The following ADGRV1 variants were observed in gnomAD, a reference collection of about 807,000 sequenced individuals.
The protein encoded by ADGRV1 is adhesion G protein-coupled receptor V1.
ADGRV1 carries 359 observed loss-of-function variants against 596.2 expected under a neutral mutation model. The ratio of observed to expected loss-of-function variants is 0.60; its 90% CI spans 0.55 to 0.66. The LOEUF (loss-of-function observed/expected upper bound fraction) is 0.66, where lower values mean the gene tolerates loss of function less well. Among genes scored for constraint, ADGRV1 ranks in the 30% least tolerant of loss-of-function variants. The pLI, the probability that ADGRV1 is intolerant of heterozygous loss-of-function variation, is 0.00. For missense variants in ADGRV1, 7,274 were observed against 7,575.6 expected, an observed-to-expected ratio of 0.96 and a Z score of 1.48; for synonymous variants, 2,681 against 2,679.2, an observed-to-expected ratio of 1.00 and a Z score of -0.02.
chr5:90,762,480 C>G (rs996794718), intron 58 of ADGRV1: 1 of 152,092 alleles, frequency 6.6e-6, no homozygotes, highest in Non-Finnish European at 1.5e-5. Flanking sequence ...AGCTTCTATC[C>G]GTGTTGAAAG....
Position 90,759,453 on chromosome 5 carries a change from T to A in ADGRV1, c.11985T>A (p.Phe3995Leu). The change falls in exon 58 of 90, where the codon TTT becomes TTA. Residue 3995 changes from phenylalanine (F) to leucine (L), a missense_variant. Physicochemically the swap from Phe to Leu is conservative, Grantham distance 22 (BLOSUM62 0). Coordinates refer to ENST00000405460, the MANE Select transcript of ADGRV1 (RefSeq NM_032119.4). ...IEITIIDDAE[F>L]ELTETFNISL... ...TCACCATAATTGATGATGCTGAATT[T>A]GAATTGACAGAGACGTTCAATATTT... The A allele has an allele frequency of 1.9e-6, 3 of 1,590,066 alleles. No individual in the cohort carries two copies. Among genetic ancestry groups the A allele is most frequent in the Non-Finnish European group, 2.6e-6 (3 of 1,166,764 alleles).
intron 85 of ADGRV1, among the ~76,000 whole-genome samples, chr5:91,033,096 G>A (rs1784607581): frequency 6.6e-6 from 1 of 152,020 alleles, no homozygotes; most frequent in African/African-American, 2.4e-5. Flanking sequence ...CTTACTTTGT[G>A]TTTTCTATGA....
In ADGRV1 at chr5:90,694,418, G is replaced by GA. The variant is rs772895536; in HGVS notation, c.7667dup (p.Asn2556LysfsTer20). ...ACCTCATGAACATTTCAGCCAGTTT[G>GA]AAAAATCAGCCAACCATAGGACAGC... On this transcript the variant is annotated frameshift_variant, in exon 33 of 90. Transcript: ENST00000405460. LOFTEE classifies it high-confidence loss of function. 6.2e-7 allele frequency: 1 copy of GA among 1,613,970 alleles called. No individual in the cohort carries two copies. The highest frequency in any genetic ancestry group is 1.1e-5 in the South Asian group (1 of 91,086).
chr5:91,085,360 A>G (rs947731841), intron 86 of ADGRV1, among the ~76,000 whole-genome samples: 10 of 152,184 alleles, frequency 6.6e-5, no homozygotes, highest in African/African-American at 2.4e-4. Flanking sequence ...ATACTTATTT[A>G]TTATAAGTAC....
chr5:91,111,886 T>A (rs777872731), intron 87 of ADGRV1, among the ~76,000 whole-genome samples: 5 of 152,182 alleles, frequency 3.3e-5, no homozygotes, highest in African/African-American at 4.8e-5. Flanking sequence ...CATGCACCTT[T>A]CAAAACATCC....
At chr5:90,897,561 A>C (rs1425069433) in intron 83 of ADGRV1, among the ~76,000 whole-genome samples, 1 of 152,168 alleles carries the variant, frequency 6.6e-6, no homozygotes, top group Non-Finnish European at 1.5e-5. Context: ...ATTGATAATC[A>C]TATTTTCTCC....
intron 83 of ADGRV1, among the ~76,000 whole-genome samples, chr5:90,885,566 ATGG>A (rs1219727751): frequency 6.6e-6 from 1 of 152,176 alleles, no homozygotes; most frequent in African/African-American, 2.4e-5. Flanking sequence ...TATGGATCAA[ATGG>A]TTATTACACA....
intron 75 of ADGRV1, among the ~76,000 whole-genome samples, chr5:90,815,951 T>C (rs1762850824): frequency 6.6e-6 from 1 of 152,166 alleles, no homozygotes; most frequent in Non-Finnish European, 1.5e-5. Context: ...CTTCATGAAG[T>C]ACCATACAAA....
intron 84 of ADGRV1, among the ~76,000 whole-genome samples, chr5:90,972,349 G>A (rs1779120045): frequency 6.6e-6 from 1 of 152,086 alleles, no homozygotes; most frequent in African/African-American, 2.4e-5. Flanking sequence ...GCACCAAGCG[G>A]ATCTAATAGA....
chr5:91,054,100 TGTGAGAGA>T (rs1246840347), intron 85 of ADGRV1, among the ~76,000 whole-genome samples: 138 of 108,274 alleles, frequency 1.3e-3, no homozygotes, highest in East Asian at 0.013. Flanking sequence ...TGTGTGTGTG[TGTGAGAGA>T]GAGAGAGAGA....
intron 83 of ADGRV1, among the ~76,000 whole-genome samples, chr5:90,928,798 A>G (rs35481894): frequency 0.013 from 2,015 of 151,746 alleles, 82 homozygotes; most frequent in African/African-American, 0.046. Flanking sequence ...AGTGATGTAC[A>G]GATGGGTTTT....
rs749747251 is a variant in ADGRV1, at chr5:90,627,352, G to A, written c.814G>A (p.Val272Ile). 3 of 1,613,872 alleles carry A rather than the reference G, an allele frequency of 1.9e-6. No homozygotes were observed. The East Asian group carries it at 6.7e-5, about 36-fold the overall frequency. The change falls in exon 7 of 90, where the codon GTT becomes ATT. Residue 272 changes from valine (V) to isoleucine (I), a missense_variant. Val to Ile is a conservative substitution (Grantham distance 29). Around this residue, in one of 5 missense-constraint regions of ADGRV1, gnomAD observed 1,715 missense variants for 1,708.8 expected, o/e 1.00. Transcript: ENST00000405460. ...PVRFLQSIYL[V>I]PEEDHILIIP... ...GAGATTCCTTCAGAGTATTTATTTG[G>A]TTCCTGAGGAAGACCACATACTCAT...
chr5:90,742,212 A>G (rs1414867324), intron 50 of ADGRV1, among the ~76,000 whole-genome samples: 1 of 152,266 alleles, frequency 6.6e-6, no homozygotes, highest in Admixed American at 6.5e-5. Flanking sequence ...GTTTCTAGTT[A>G]TAAATGGATA....
chr5:90,961,815 G>A (rs1020633001), intron 83 of ADGRV1, among the ~76,000 whole-genome samples: 1 of 151,984 alleles, frequency 6.6e-6, no homozygotes, highest in Non-Finnish European at 1.5e-5. Flanking sequence ...ACTTTTTGGG[G>A]GAACTATATT....
chr5:90,586,942 G>T (rs1317902735), intron 1 of ADGRV1, among the ~76,000 whole-genome samples: 1 of 152,068 alleles, frequency 6.6e-6, no homozygotes, highest in Non-Finnish European at 1.5e-5. Flanking sequence ...TTAACAACTT[G>T]GCTATTTGGT....
Position 90,753,899 on chromosome 5 carries a change from T to C in ADGRV1, c.11377+70T>C, listed in dbSNP as rs1216000744. ...TTGGATAATTTAATTCTAATATTTA[T>C]AAGGAATGTAAATTTCTCTTTTTAT... On this transcript the variant is annotated intron_variant, in intron 54 of 89. Coordinates refer to ENST00000405460, the MANE Select transcript of ADGRV1 (RefSeq NM_032119.4). 3 of 1,376,934 alleles carry C rather than the reference T, an allele frequency of 2.2e-6. No individual in the cohort carries two copies. The East Asian group carries it at 7.6e-5, about 35-fold the overall frequency. The allele number at this position is 1,376,934 out of a possible 1,614,324, so 85.3% of individuals were successfully genotyped here. A position where few individuals can be genotyped will look rare whatever the true frequency, so the allele number is the denominator to read the frequency against.
chr5:90,675,644 A>G (rs984230458), intron 24 of ADGRV1, among the ~76,000 whole-genome samples, 199 bp downstream of exon 24: 9 of 152,044 alleles, frequency 5.9e-5, no homozygotes, highest in Admixed American at 5.2e-4. Context: ...CAAAAAAAGA[A>G]AAAACAGATT....
intron 83 of ADGRV1, among the ~76,000 whole-genome samples, chr5:90,943,319 T>A (rs1776314243): frequency 6.6e-6 from 1 of 152,070 alleles, no homozygotes; most frequent in Admixed American, 6.6e-5. Context: ...CATCTTACAA[T>A]CAGAAGACTT....
At chr5:90,890,710 G>C (rs1393715692) in intron 83 of ADGRV1, among the ~76,000 whole-genome samples, 1 of 151,862 alleles carries the variant, frequency 6.6e-6, no homozygotes, top group African/African-American at 2.4e-5. Flanking sequence ...GTAATTTCTG[G>C]GCCACAGCAT....
Sources: allele counts gnomAD v4.1 joint callset (sites outside exome capture counted in the v4.1 genomes callset), GRCh38; gene constraint gnomAD v4.1.1; regional missense constraint gnomAD v4.1.1; transcripts MANE v1.5; gene names NCBI Gene and HGNC (gene_info 2026-07-23, HGNC 2026-07-21).